The following ZNF141 variants were observed in gnomAD, a reference collection of about 807,000 sequenced individuals.
ZNF141 encodes zinc finger protein 141.
In ZNF141, 7 loss-of-function variants were observed where a neutral mutation model predicts 11.3. The ratio of observed to expected loss-of-function variants is 0.62; its 90% CI spans 0.35 to 1.16. The LOEUF (loss-of-function observed/expected upper bound fraction) is 1.16. Among genes scored for constraint, ZNF141 ranks in the 50% most tolerant of loss-of-function variants. The pLI, the probability that ZNF141 is intolerant of heterozygous loss-of-function variation, is 0.02. For synonymous variants in ZNF141, 183 were observed against 190.7 expected (o/e 0.96, Z 0.33); for missense variants, 535 against 554.0 (o/e 0.97, Z 0.34).
Position 378,972 on chromosome 4 carries a change from G to C in ZNF141, c.*5110G>C, listed in dbSNP as rs1346423248. 8.8e-5 allele frequency among the ~76,000 whole-genome samples: 13 copies of C among 147,860 alleles called. No individual in the cohort carries two copies. Among genetic ancestry groups the C allele is most frequent in the African/African-American group, 3.3e-4 (13 of 39,846 alleles). ...CAATTCTCCTGCCTCAGCCTCCCAA[G>C]TAGCTGGGATTACAGGTGCCCACCA... On this transcript the variant is annotated 3_prime_UTR_variant, in exon 4 of 4. Transcript: ENST00000240499.
At position 381,677 on chromosome 4, in the gene ZNF141, G is replaced by A. The variant is rs1289249438; in HGVS notation, c.*7815G>A. On this transcript the variant is annotated 3_prime_UTR_variant, in exon 4 of 4. Coordinates refer to ENST00000240499, the MANE Select transcript of ZNF141 (RefSeq NM_003441.4). ...CACCCAGTCAGCCTCCCAAAGTGCT[G>A]GGATTACAGGCGTGAGCCACCATGC... Among the ~76,000 whole-genome samples, 20 of 152,014 alleles carry A rather than the reference G, an allele frequency of 1.3e-4. No individual in the cohort carries two copies. Among genetic ancestry groups the A allele is most frequent in the Admixed American group, 1.3e-3 (20 of 15,254 alleles).
intron 2 of ZNF141, 129 bp downstream of exon 2, chr4:344,037 A>G (rs797044297): frequency 7.6e-7 from 1 of 1,308,036 alleles, no homozygotes; most frequent in Admixed American, 2.7e-5. Context: ...AGCTAATTTG[A>G]GTCCTTCACT....
rs781859623 is a variant in ZNF141 at position 375,961 on chromosome 4, ATTC to A, written c.*2104_*2106del. On this transcript the variant is annotated 3_prime_UTR_variant, in exon 4 of 4. Coordinates refer to ENST00000240499, the MANE Select transcript of ZNF141 (RefSeq NM_003441.4). The stretch of plus-strand genomic sequence containing the variant: ...GCATGAGGTAGGTGTTCAGAGTAAT[ATTC>A]TTCTGCATTATAGTGAGAGAAAATC... Among the ~76,000 whole-genome samples the A allele has an allele frequency of 6.6e-6, 1 of 152,076 alleles. No individual in the cohort carries two copies. The highest frequency in any genetic ancestry group is 2.1e-4 in the South Asian group (1 of 4,834).
At chr4:369,748 ATATATATATATATATATTT>A (rs1183548537) in intron 3 of ZNF141, among the ~76,000 whole-genome samples, 2 of 36,324 alleles carry the variant, frequency 5.5e-5, no homozygotes, top group Non-Finnish European at 1.1e-4. Flanking sequence ...ATATATATAT[ATATATATATATATATATTT>A]TTTTTTTTTT....
intron 3 of ZNF141, among the ~76,000 whole-genome samples, chr4:353,613 A>T (rs1208593889): frequency 2.6e-5 from 4 of 151,664 alleles, no homozygotes; most frequent in Non-Finnish European, 5.9e-5. Flanking sequence ...GGTGTGTGCC[A>T]CCATGCCTGG....
Position 373,080 on chromosome 4 carries a change from A to C in ZNF141, c.643A>C (p.Asn215His). 5 of 1,613,718 alleles carry C rather than the reference A, an allele frequency of 3.1e-6. No homozygotes were observed. Among genetic ancestry groups the C allele is most frequent in the Non-Finnish European group, 3.4e-6 (4 of 1,179,902 alleles). Residue 215 changes from asparagine (N) to histidine (H), a missense_variant, in exon 4 of 4, where the codon AAT becomes CAT. Asn to His is a moderately conservative substitution (Grantham distance 68, BLOSUM62 1). Coordinates refer to ENST00000240499, the MANE Select transcript of ZNF141 (RefSeq NM_003441.4). ...AGCCTTTAAATGGTCTTTAATATTTAATGAACATAAGAGAATTCATACTGG... is the reference window on the plus strand; with the variant it reads ...AGCCTTTAAATGGTCTTTAATATTTCATGAACATAAGAGAATTCATACTGG... Reference protein sequence around the residue: ...GKAFKWSLIFNEHKRIHTGEK... With the variant: ...GKAFKWSLIFHEHKRIHTGEK...
At chr4:348,558 T>C (rs1721445033) in intron 3 of ZNF141, among the ~76,000 whole-genome samples, 1 of 151,904 alleles carries the variant, frequency 6.6e-6, no homozygotes, top group Admixed American at 6.6e-5. Context: ...ACTAAAAATA[T>C]ACAAAAACTA....
At chr4:363,968 G>T (rs1553852597) in intron 3 of ZNF141, among the ~76,000 whole-genome samples, 1 of 152,072 alleles carries the variant, frequency 6.6e-6, no homozygotes, top group Non-Finnish European at 1.5e-5. Flanking sequence ...TTTGTTGATG[G>T]TTCTGTTTAT....
chr4:376,535 C>T lies in ZNF141; in HGVS notation c.*2673C>T, dbSNP rs1553854676. ...TATATCAGTATAATTATAATTCATA[C>T]ATTTATGCATCCTGAATACTTCTAA... On this transcript the variant is annotated 3_prime_UTR_variant, in exon 4 of 4. Transcript: ENST00000240499. Among the ~76,000 whole-genome samples, 3 of 152,034 alleles carry T rather than the reference C, an allele frequency of 2.0e-5. No homozygotes were observed. The highest frequency in any genetic ancestry group is 7.2e-5 in the African/African-American group (3 of 41,440).
intron 3 of ZNF141, 50 bp downstream of exon 3, chr4:344,480 C>G: frequency 1.3e-6 from 2 of 1,522,806 alleles, no homozygotes; most frequent in South Asian, 1.2e-5. Context: ...GACCAAAGGT[C>G]AAGAAGGAAG....
At chr4:347,644 C>A (rs1721399923) in intron 3 of ZNF141, among the ~76,000 whole-genome samples, 1 of 151,308 alleles carries the variant, frequency 6.6e-6, no homozygotes, top group Admixed American at 6.6e-5. Context: ...CGGCCGCGCC[C>A]AGCCTAGTTT....
chr4:373,201 A>G lies in ZNF141; in HGVS notation c.764A>G (p.Tyr255Cys), dbSNP rs781833543. ...ATAATTCATACTGGAGAAAAACCCT[A>G]TAAATGTGAAGAATGTGGCAAAGCC... ...HKIIHTGEKP[Y>C]KCEECGKAFN... The change falls in exon 4 of 4, where the codon TAT (tyrosine) becomes TGT (cysteine). Residue 255 changes from tyrosine (Y) to cysteine (C), a missense_variant. Physicochemically the swap from Tyr to Cys is radical, Grantham distance 194 (BLOSUM62 -2). Transcript: ENST00000240499. 2.5e-6 allele frequency: 4 copies of G among 1,613,968 alleles called. No individual in the cohort carries two copies. Among genetic ancestry groups the G allele is most frequent in the African/African-American group, 1.3e-5 (1 of 74,910 alleles).
chr4:352,255 T>C lies in ZNF141; in HGVS notation c.226+7825T>C, dbSNP rs1721639681. On this transcript the variant is annotated intron_variant, in intron 3 of 3. Coordinates refer to ENST00000240499, the MANE Select transcript of ZNF141 (RefSeq NM_003441.4). The stretch of plus-strand genomic sequence containing the variant: ...ACAAAAAATTAGCCGGGCGTGGTGG[T>C]GGGCACCTGTAGTCCCAGCTACTCA... Among the ~76,000 whole-genome samples the C allele has an allele frequency of 3.9e-5, 6 of 151,980 alleles. No homozygotes were observed. The South Asian group carries it at 6.2e-4, about 16-fold the overall frequency.
intron 3 of ZNF141, among the ~76,000 whole-genome samples, chr4:352,747 T>G (rs1721660999): frequency 6.6e-6 from 1 of 152,210 alleles, no homozygotes; most frequent in Non-Finnish European, 1.5e-5. Context: ...ATACATTTTT[T>G]CCCTTTGGCT....
chr4:353,650 C>T (rs548668867), intron 3 of ZNF141, among the ~76,000 whole-genome samples: 9 of 151,756 alleles, frequency 5.9e-5, no homozygotes, highest in African/African-American at 2.2e-4. Context: ...TTAGTAGAGA[C>T]GAGGTTTCAC....
rs1380767058 is a variant in ZNF141, at chr4:380,379, C to T, written c.*6517C>T. The stretch of plus-strand genomic sequence containing the variant: ...TTAATAAATTTTATTTTCGGCCAGG[C>T]GTGGTGGCTCACACCTGTAATCCCA... On this transcript the variant is annotated 3_prime_UTR_variant, in exon 4 of 4. Transcript: ENST00000240499. Among the ~76,000 whole-genome samples, 6 of 152,110 alleles carry T rather than the reference C, an allele frequency of 3.9e-5. No individual in the cohort carries two copies. Among genetic ancestry groups the T allele is most frequent in the Non-Finnish European group, 8.8e-5 (6 of 68,020 alleles).
Position 373,890 on chromosome 4 carries a change from G to T in ZNF141, c.*28G>T. 6.4e-7 allele frequency: 1 copy of T among 1,565,554 alleles called. No homozygotes were observed. The highest frequency in any genetic ancestry group is 1.2e-5 in the South Asian group (1 of 85,830). The stretch of plus-strand genomic sequence containing the variant: ...GAAATCCTACAAATGTAAAGAATGT[G>T]GCAAACCTTTGGATGATCCACAAAC... On this transcript the variant is annotated 3_prime_UTR_variant, in exon 4 of 4. Transcript: ENST00000240499.
chr4:372,337 C>T (rs957812499), intron 3 of ZNF141, among the ~76,000 whole-genome samples: 4 of 152,200 alleles, frequency 2.6e-5, no homozygotes, highest in Non-Finnish European at 5.9e-5. Flanking sequence ...GGAGTTGATA[C>T]TTCACTCCTA....
At position 339,006 on chromosome 4, in the gene ZNF141, G is replaced by C. The variant is rs1011358960; in HGVS notation, c.3+1020G>C. Among the ~76,000 whole-genome samples the C allele has an allele frequency of 5.3e-5, 8 of 152,284 alleles. No individual in the cohort carries two copies. The East Asian group carries it at 1.5e-3, about 29-fold the overall frequency. On this transcript the variant is annotated intron_variant, in intron 1 of 3. Coordinates refer to ENST00000240499, the MANE Select transcript of ZNF141 (RefSeq NM_003441.4). The stretch of plus-strand genomic sequence containing the variant: ...GGGGAGAGAGGGCGCTGAGAACTTG[G>C]AGGAAAGGAGTTCTGAGAAACATCC...
Sources: gnomAD v4.1 joint callset for allele counts (sites outside exome capture counted in the v4.1 genomes callset) on GRCh38, gnomAD v4.1.1 for gene constraint, MANE v1.5 for transcripts, NCBI Gene and HGNC (gene_info 2026-07-23, HGNC 2026-07-21) for gene names.